OR1J2: variants seen among roughly 807,000 people sequenced by gnomAD.
The protein encoded by OR1J2 is olfactory receptor family 1 subfamily J member 2.
For synonymous variants in OR1J2, 142 were observed against 99.7 expected, an observed-to-expected ratio of 1.42 and a Z score of -2.52; for missense variants, 304 against 246.1, an observed-to-expected ratio of 1.24 and a Z score of -1.57.
the OR1J2 span, among the ~76,000 whole-genome samples, chr9:122,458,599 A>C: frequency 6.6e-6 from 1 of 152,132 alleles, no homozygotes; most frequent in African/African-American, 2.4e-5. Context: ...CCTTTATAAA[A>C]CCATCGTATC....
At chr9:122,481,212 G>A in the OR1J2 span, among the ~76,000 whole-genome samples, 1 of 151,932 alleles carries the variant, frequency 6.6e-6, no homozygotes, top group Non-Finnish European at 1.5e-5. Flanking sequence ...CTTTTCCTGT[G>A]TTAGTTTGCT....
upstream of OR1J2, among the ~76,000 whole-genome samples, chr9:122,506,910 A>T (rs1564181881): frequency 6.6e-6 from 1 of 152,190 alleles, no homozygotes; most frequent in African/African-American, 2.4e-5. Context: ...TCTGAACAGC[A>T]AAGAATCCAA....
chr9:122,505,705 C>T, the OR1J2 span, among the ~76,000 whole-genome samples: 8 of 152,134 alleles, frequency 5.3e-5, no homozygotes, highest in Admixed American at 2.0e-4. Flanking sequence ...CTAAGAATCA[C>T]GATTGGCATG....
At chr9:122,567,390 T>C in the OR1J2 span, 7 of 535,324 alleles carry the variant, frequency 1.3e-5, no homozygotes, top group African/African-American at 3.8e-5. Context: ...GGCCGAATTG[T>C]TGGGTCATCA....
chr9:122,526,449 A>C, the OR1J2 span: 1 of 1,537,520 alleles, frequency 6.5e-7, no homozygotes, highest in Admixed American at 2.1e-5. Flanking sequence ...GGGGTTCAAC[A>C]TGGGAGTCAC....
chr9:122,572,080 T>TG, the OR1J2 span, among the ~76,000 whole-genome samples: 2 of 151,564 alleles, frequency 1.3e-5, no homozygotes, highest in Non-Finnish European at 2.9e-5. Context: ...AGAACAGAGG[T>TG]GGGGGGAGGC....
chr9:122,498,111 A>G, the OR1J2 span, among the ~76,000 whole-genome samples: 6 of 151,774 alleles, frequency 4.0e-5, no homozygotes, highest in East Asian at 5.8e-4. Flanking sequence ...CGTGTGGTCA[A>G]TCTTGGAGTA....
chr9:122,526,850 G>T, the OR1J2 span: 2 of 1,614,028 alleles, frequency 1.2e-6, no homozygotes, highest in Admixed American at 1.7e-5. Context: ...TATTGGTGAG[G>T]ACCCAGCACA....
At chr9:122,551,293 C>T in the OR1J2 span, among the ~76,000 whole-genome samples, 1 of 152,202 alleles carries the variant, frequency 6.6e-6, no homozygotes, top group Non-Finnish European at 1.5e-5. Flanking sequence ...GGATTCCACT[C>T]TCTCCACTTA....
the OR1J2 span, among the ~76,000 whole-genome samples, chr9:122,548,701 G>C: frequency 1.3e-5 from 2 of 151,182 alleles, no homozygotes; most frequent in Non-Finnish European, 3.0e-5. Flanking sequence ...CCATTAACCG[G>C]TCATTTACAT....
chr9:122,528,987 C>T, the OR1J2 span, among the ~76,000 whole-genome samples: 1 of 152,196 alleles, frequency 6.6e-6, no homozygotes, highest in African/African-American at 2.4e-5. Context: ...TATTTAGAGT[C>T]TATACCTGAA....
chr9:122,535,794 A>G, the OR1J2 span, among the ~76,000 whole-genome samples: 1 of 152,160 alleles, frequency 6.6e-6, no homozygotes, highest in Admixed American at 6.5e-5. Flanking sequence ...CATGTGAGCA[A>G]CAAGGCTGTT....
the OR1J2 span, among the ~76,000 whole-genome samples, chr9:122,537,086 T>C: frequency 8.5e-5 from 13 of 152,338 alleles, no homozygotes; most frequent in East Asian, 2.5e-3. Flanking sequence ...ATCAGCAAGC[T>C]ACTGCCTTAA....
the OR1J2 span, among the ~76,000 whole-genome samples, chr9:122,571,995 T>C: frequency 6.6e-6 from 1 of 152,198 alleles, no homozygotes; most frequent in Non-Finnish European, 1.5e-5. Context: ...CAGTTTCTGA[T>C]TCTGGGGAGG....
At chr9:122,534,397 G>A in the OR1J2 span, among the ~76,000 whole-genome samples, 6 of 152,272 alleles carry the variant, frequency 3.9e-5, no homozygotes, top group South Asian at 8.3e-4. Context: ...GCAACCAAAC[G>A]AGTCATGAAC....
the OR1J2 span, among the ~76,000 whole-genome samples, chr9:122,466,280 C>T: frequency 6.6e-6 from 1 of 152,112 alleles, no homozygotes; most frequent in Non-Finnish European, 1.5e-5. Context: ...TTTCCTGAAA[C>T]CTGAGATGAA....
At chr9:122,486,707 T>G in the OR1J2 span, among the ~76,000 whole-genome samples, 2 of 152,180 alleles carry the variant, frequency 1.3e-5, no homozygotes, top group Non-Finnish European at 2.9e-5. Flanking sequence ...AATTGGAAAG[T>G]AGGGTTTACA....
At chr9:122,514,726 A>C (rs73663924), downstream of OR1J2, among the ~76,000 whole-genome samples, 398 of 152,314 alleles carry the variant, frequency 2.6e-3, 1 homozygote, top group African/African-American at 9.0e-3. Context: ...TTGAGAGAAA[A>C]ATCTCTATAG....
At chr9:122,541,541 A>G in the OR1J2 span, among the ~76,000 whole-genome samples, 2 of 152,342 alleles carry the variant, frequency 1.3e-5, no homozygotes, top group Admixed American at 6.5e-5. Context: ...TATACAGCTA[A>G]GATTAGTGAA....
Sources: allele counts gnomAD v4.1 joint callset (sites outside exome capture counted in the v4.1 genomes callset), GRCh38; gene constraint gnomAD v4.1.1; transcripts MANE v1.5; gene names NCBI Gene and HGNC (gene_info 2026-07-23, HGNC 2026-07-21).